The following FBXL20 variants were observed in gnomAD, a reference collection of about 807,000 sequenced individuals.
FBXL20 encodes F-box and leucine rich repeat protein 20, also known as F-box/LRR-repeat protein 20.
In FBXL20, 11 loss-of-function variants were observed where a neutral mutation model predicts 64.0. That is an observed-to-expected ratio of 0.17 (90% CI 0.11 to 0.28). The LOEUF is 0.28. FBXL20 is among the 10% of genes least tolerant of loss of function. FBXL20 has a pLI of 1.00. For missense variants in FBXL20, 303 were observed against 526.2 expected (o/e 0.58, Z 4.15); for synonymous variants, 184 against 189.0 (o/e 0.97, Z 0.22).
At chr17:39,301,726 T>TG (rs1008071460) in intron 3 of FBXL20, among the ~76,000 whole-genome samples, 2 of 148,684 alleles carry the variant, frequency 1.3e-5, no homozygotes, top group African/African-American at 2.5e-5. Flanking sequence ...AAACTTCATC[T>TG]GGGGGGGAAA....
intron 5 of FBXL20, chr17:39,297,618 A>T (rs1482251522): frequency 6.4e-6 from 1 of 157,054 alleles, no homozygotes; most frequent in Non-Finnish European, 1.4e-5. Flanking sequence ...CCCCAACTCC[A>T]CAGGACAGAA....
intron 6 of FBXL20, among the ~76,000 whole-genome samples, chr17:39,291,711 A>C (rs2047041267): frequency 6.6e-6 from 1 of 152,170 alleles, no homozygotes; most frequent in South Asian, 2.1e-4. Context: ...CTGGGATTAC[A>C]GGTGTGAGGC....
chr17:39,279,122 C>T (rs956957992), intron 9 of FBXL20, among the ~76,000 whole-genome samples: 7 of 151,740 alleles, frequency 4.6e-5, no homozygotes, highest in East Asian at 2.0e-4. Context: ...CCAGCCTGGG[C>T]GATACAGCGA....
At chr17:39,340,269 G>T (rs1187894158) in intron 2 of FBXL20, among the ~76,000 whole-genome samples, 1 of 152,036 alleles carries the variant, frequency 6.6e-6, no homozygotes, top group Non-Finnish European at 1.5e-5. Context: ...GCTAATTTTT[G>T]TATTTTTAGT....
intron 1 of FBXL20, among the ~76,000 whole-genome samples, chr17:39,347,105 G>C (rs1200342987): frequency 6.6e-6 from 1 of 152,152 alleles, no homozygotes; most frequent in Admixed American, 6.5e-5. Flanking sequence ...GGACGTTTGG[G>C]TTGGTTCCAA....
At chr17:39,279,075 T>C (rs896121988) in intron 9 of FBXL20, among the ~76,000 whole-genome samples, 1 of 151,726 alleles carries the variant, frequency 6.6e-6, no homozygotes, top group East Asian at 2.0e-4. Flanking sequence ...ACCTGGGAGA[T>C]GGAGGTTGCA....
intron 1 of FBXL20, among the ~76,000 whole-genome samples, chr17:39,385,108 G>A (rs931014607): frequency 6.6e-6 from 1 of 152,204 alleles, no homozygotes. Flanking sequence ...TGTAGTCTCA[G>A]CTACTTGGAA....
At chr17:39,389,104 CAAAA>C (rs752930971) in intron 1 of FBXL20, among the ~76,000 whole-genome samples, 4 of 52,704 alleles carry the variant, frequency 7.6e-5, no homozygotes, top group South Asian at 8.9e-4. Flanking sequence ...AACTCCATCT[CAAAA>C]AAAAAAAAAA....
intron 1 of FBXL20, among the ~76,000 whole-genome samples, chr17:39,364,391 T>C (rs530167375): frequency 4.6e-5 from 7 of 152,212 alleles, no homozygotes; most frequent in African/African-American, 7.2e-5. Context: ...GGAGAGTGGA[T>C]TGCTTGAGGC....
intron 6 of FBXL20, among the ~76,000 whole-genome samples, chr17:39,295,713 T>G (rs184720588): frequency 2.6e-5 from 4 of 151,686 alleles, no homozygotes; most frequent in African/African-American, 7.3e-5. Context: ...CTTCCCCATA[T>G]AAGTAACTAT....
intron 1 of FBXL20, among the ~76,000 whole-genome samples, chr17:39,390,913 G>A (rs535009245): frequency 3.3e-5 from 5 of 152,094 alleles, no homozygotes; most frequent in Non-Finnish European, 7.3e-5. Context: ...CGGGCATGGT[G>A]GCAGGCGCCT....
chr17:39,260,102 A>G lies in FBXL20; in HGVS notation c.*1358T>C, dbSNP rs1252246027. On this transcript the variant is annotated 3_prime_UTR_variant, in exon 15 of 15. Coordinates refer to ENST00000264658, the MANE Select transcript of FBXL20 (RefSeq NM_032875.3). ...GATATGAATCCATTAACACTGACAT[A>G]CAATTGACCAGCTGTTATAGAGCCA... 6.6e-6 allele frequency: 1 copy of G among 151,902 alleles called. No homozygotes were observed. The highest frequency in any genetic ancestry group is 1.9e-4 in the East Asian group (1 of 5,192). The allele number at this position is 151,902 out of a possible 1,614,324, so 9.4% of individuals were successfully genotyped here. A position where few individuals can be genotyped will look rare whatever the true frequency, so the allele number is the denominator to read the frequency against.
At chr17:39,377,972 C>T (rs1418661607) in intron 1 of FBXL20, among the ~76,000 whole-genome samples, 2 of 152,038 alleles carry the variant, frequency 1.3e-5, no homozygotes, top group Non-Finnish European at 2.9e-5. Flanking sequence ...GTGATTCTAG[C>T]CTGCACTCTA....
chr17:39,385,672 G>A (rs1428408601), intron 1 of FBXL20, among the ~76,000 whole-genome samples: 3 of 152,170 alleles, frequency 2.0e-5, no homozygotes, highest in African/African-American at 7.2e-5. Flanking sequence ...CAGAGACTGA[G>A]CAGTCCAACT....
rs934421848 is a variant in FBXL20 at position 39,317,485 on chromosome 17, C to T, written c.105-13846G>A. ...TACCACGTGATCCGACCGTCTCTGC[C>T]TCCCAAAGTGCTGGGATTACAGGCG... On this transcript the variant is annotated intron_variant, in intron 2 of 14. Coordinates refer to ENST00000264658, the MANE Select transcript of FBXL20 (RefSeq NM_032875.3). 7.9e-5 allele frequency among the ~76,000 whole-genome samples: 12 copies of T among 152,162 alleles called. No homozygotes were observed. The East Asian group carries it at 1.5e-3, about 20-fold the overall frequency.
At chr17:39,330,483 G>A (rs1442071625) in intron 2 of FBXL20, among the ~76,000 whole-genome samples, 2 of 151,738 alleles carry the variant, frequency 1.3e-5, no homozygotes, top group Non-Finnish European at 2.9e-5. Flanking sequence ...ACATAGTGGC[G>A]TGTGTCTGTA....
At position 39,338,837 on chromosome 17, in the gene FBXL20, C is replaced by T. The variant is rs538329920; in HGVS notation, c.104+4343G>A. On this transcript the variant is annotated intron_variant, in intron 2 of 14. Transcript: ENST00000264658. ...GAGTAAACATCAGACAAAGCCAAAT[C>T]GAGGATATTCTATTTTAAAACTGAC... is the stretch of plus-strand genomic sequence containing the variant. Among the ~76,000 whole-genome samples, 22 of 152,210 alleles carry T rather than the reference C, an allele frequency of 1.4e-4. No individual in the cohort carries two copies. In the South Asian group the frequency reaches 3.9e-3, roughly 27 times the overall value.
intron 3 of FBXL20, among the ~76,000 whole-genome samples, chr17:39,301,334 A>T (rs574202971): frequency 1.3e-5 from 2 of 152,302 alleles, no homozygotes; most frequent in East Asian, 3.9e-4. Context: ...ACTCAAATTT[A>T]TAATCCCATC....
At chr17:39,375,185 G>A (rs1257971455) in intron 1 of FBXL20, among the ~76,000 whole-genome samples, 2 of 152,122 alleles carry the variant, frequency 1.3e-5, no homozygotes, top group Non-Finnish European at 2.9e-5. Flanking sequence ...TAAAAAAAGT[G>A]ACGAGGAGAA....
Sources: gnomAD v4.1 joint callset for allele counts (sites outside exome capture counted in the v4.1 genomes callset) on GRCh38, gnomAD v4.1.1 for gene constraint, MANE v1.5 for transcripts, NCBI Gene and HGNC (gene_info 2026-07-23, HGNC 2026-07-21) for gene names.